The following CAST variants were observed in gnomAD, a reference collection of about 807,000 sequenced individuals.
CAST encodes the protein calpastatin.
CAST carries 76 observed loss-of-function variants against 119.6 expected under a neutral mutation model. The ratio of observed to expected loss-of-function variants is 0.64; its 90% CI spans 0.53 to 0.77. The LOEUF is 0.77. CAST is among the 30% of genes least tolerant of loss of function. The pLI, the probability that CAST is intolerant of heterozygous loss-of-function variation, is 0.00. For synonymous variants in CAST, 319 were observed against 331.6 expected (o/e 0.96, Z 0.41); for missense variants, 953 against 946.5 (o/e 1.01, Z -0.09).
At chr5:96,602,930 C>T (rs192598772) in intron 1 of CAST, among the ~76,000 whole-genome samples, 58 of 152,098 alleles carry the variant, frequency 3.8e-4, no homozygotes, top group Middle Eastern at 6.8e-3. Flanking sequence ...TCAGCAAATG[C>T]AAAGGCCTGG....
intron 1 of CAST, among the ~76,000 whole-genome samples, chr5:96,645,785 G>A (rs1748007547): frequency 6.6e-6 from 1 of 151,574 alleles, no homozygotes; most frequent in African/African-American, 2.4e-5. Flanking sequence ...TCTTGGAGTG[G>A]AAAGACCTCT....
At chr5:96,259,324 G>T in the CAST span, among the ~76,000 whole-genome samples, 14 of 152,218 alleles carry the variant, frequency 9.2e-5, no homozygotes, top group Non-Finnish European at 1.9e-4. Flanking sequence ...TCACATTTGA[G>T]ATGGCACAGG....
chr5:96,208,059 C>T, the CAST span, among the ~76,000 whole-genome samples: 2 of 149,792 alleles, frequency 1.3e-5, no homozygotes, highest in East Asian at 1.9e-4. Context: ...CTCTTTCTTG[C>T]AGGTTTTCTA....
chr5:96,240,290 T>C, the CAST span, among the ~76,000 whole-genome samples: 1 of 152,178 alleles, frequency 6.6e-6, no homozygotes, highest in East Asian at 1.9e-4. Context: ...ATACTGTCAG[T>C]TCACAGATCT....
chr5:96,593,563 A>C (rs964426406), intron 1 of CAST, among the ~76,000 whole-genome samples: 20 of 152,338 alleles, frequency 1.3e-4, no homozygotes, highest in Middle Eastern at 3.4e-3. Flanking sequence ...AACAGAAGAG[A>C]TACATGCAAT....
At chr5:96,651,244 T>C (rs1286856750) in intron 1 of CAST, among the ~76,000 whole-genome samples, 2 of 152,212 alleles carry the variant, frequency 1.3e-5, no homozygotes, top group Non-Finnish European at 2.9e-5. Context: ...CAGCAACTTG[T>C]AGTGGGACAA....
At chr5:96,164,079 C>T in the CAST span, among the ~76,000 whole-genome samples, 3 of 152,218 alleles carry the variant, frequency 2.0e-5, no homozygotes, top group East Asian at 1.9e-4. Flanking sequence ...ATAGTAAGCA[C>T]TTAATTGTCA....
At chr5:96,478,449 T>C in the CAST span, among the ~76,000 whole-genome samples, 7 of 152,248 alleles carry the variant, frequency 4.6e-5, no homozygotes, top group Non-Finnish European at 1.0e-4. Context: ...ACCCAATTAT[T>C]TGTTTCCAGC....
rs537867109 is a variant in CAST, at chr5:96,620,201, C to A, written c.61-55338C>A. ...CCTCTAGAGCCTGTAGGGCGACAATCATATGCCCCAAATCCAAAATTAGTT... is the reference window on the plus strand; with the variant it reads ...CCTCTAGAGCCTGTAGGGCGACAATAATATGCCCCAAATCCAAAATTAGTT... On this transcript the variant is annotated intron_variant, in intron 1 of 11. Coordinates refer to the CAST transcript ENST00000505143. 5.3e-5 allele frequency among the ~76,000 whole-genome samples: 8 copies of A among 152,216 alleles called. No individual in the cohort carries two copies. In the East Asian group the frequency reaches 1.5e-3, roughly 29 times the overall value.
At chr5:96,397,218 T>A in the CAST span, 2 of 860,550 alleles carry the variant, frequency 2.3e-6, no homozygotes, top group Non-Finnish European at 3.8e-6. Context: ...TTCCCTTACT[T>A]CTACTAAGAA....
At chr5:96,597,862 C>T (rs1034021485) in intron 1 of CAST, among the ~76,000 whole-genome samples, 1 of 149,932 alleles carries the variant, frequency 6.7e-6, no homozygotes, top group Non-Finnish European at 1.5e-5. Context: ...GGCTTGACAA[C>T]AGCATTGAGT....
the CAST span, among the ~76,000 whole-genome samples, chr5:96,413,883 G>A: frequency 2.0e-5 from 3 of 148,916 alleles, no homozygotes; most frequent in African/African-American, 7.5e-5. Flanking sequence ...ACTTTGGGAG[G>A]CCGAGGCGGG....
the CAST span, among the ~76,000 whole-genome samples, chr5:96,481,189 A>G: frequency 1.3e-5 from 2 of 151,756 alleles, no homozygotes; most frequent in Non-Finnish European, 1.5e-5. Context: ...TCCTGTGTCC[A>G]CACAGTCTTG....
intron 1 of CAST, among the ~76,000 whole-genome samples, chr5:96,617,335 C>T (rs1053266401): frequency 6.6e-6 from 1 of 151,778 alleles, no homozygotes; most frequent in Non-Finnish European, 1.5e-5. Context: ...ACAAAAATGG[C>T]GATTATTTGG....
chr5:96,150,838 G>T, the CAST span, among the ~76,000 whole-genome samples: 1 of 152,288 alleles, frequency 6.6e-6, no homozygotes, highest in African/African-American at 2.4e-5. Context: ...CCCATAAAGA[G>T]CAGGCCTGGG....
the CAST span, among the ~76,000 whole-genome samples, chr5:96,045,187 T>C: frequency 1.7e-3 from 266 of 152,208 alleles, 1 homozygote; most frequent in African/African-American, 6.1e-3. Flanking sequence ...ACCCTGTCTC[T>C]ACTAAAAAGA....
At chr5:96,245,812 T>C in the CAST span, among the ~76,000 whole-genome samples, 1 of 152,190 alleles carries the variant, frequency 6.6e-6, no homozygotes, top group Non-Finnish European at 1.5e-5. Flanking sequence ...TGGGGGGACT[T>C]ACGGCAAATG....
the CAST span, among the ~76,000 whole-genome samples, chr5:95,965,679 C>T: frequency 1.3e-5 from 2 of 152,204 alleles, no homozygotes; most frequent in African/African-American, 2.4e-5. Context: ...CATTACACTG[C>T]TCTCCCTTCA....
chr5:96,147,078 C>A, the CAST span, among the ~76,000 whole-genome samples: 1 of 152,140 alleles, frequency 6.6e-6, no homozygotes, highest in African/African-American at 2.4e-5. Context: ...CTTTAGTGCC[C>A]CATGTTCTGT....
Sources: allele counts gnomAD v4.1 joint callset (sites outside exome capture counted in the v4.1 genomes callset), GRCh38; gene constraint gnomAD v4.1.1; transcripts MANE v1.5; gene names NCBI Gene and HGNC (gene_info 2026-07-23, HGNC 2026-07-21).